Variants in SOX6 observed in about 807,000 individuals in gnomAD.
SOX6 encodes the protein SRY-box transcription factor 6.
A neutral mutation model predicts 97.8 loss-of-function variants in SOX6; 11 were observed. The observed-to-expected ratio is 0.11, with a 90% confidence interval of 0.07 to 0.19. The LOEUF is 0.19. SOX6 is among the 10% of genes least tolerant of loss of function. SOX6 has a pLI of 1.00. For missense variants in SOX6, 810 were observed against 1,039.5 expected (o/e 0.78, Z 3.04); for synonymous variants, 360 against 371.4 (o/e 0.97, Z 0.35).
chr11:16,321,062 T>C (rs1484993847), intron 2 of SOX6, among the ~76,000 whole-genome samples: 2 of 152,236 alleles, frequency 1.3e-5, no homozygotes, highest in African/African-American at 4.8e-5. Flanking sequence ...ATGGCTAGTA[T>C]GTGGCTCCTT....
intron 2 of SOX6, among the ~76,000 whole-genome samples, chr11:16,321,864 G>T (rs1855937975): frequency 1.3e-5 from 2 of 152,092 alleles, no homozygotes; most frequent in Admixed American, 6.6e-5. Context: ...ACCATTTCCA[G>T]CCATCACTTT....
chr11:16,468,249 G>C (rs1860078458), intron 1 of SOX6, among the ~76,000 whole-genome samples: 2 of 152,190 alleles, frequency 1.3e-5, no homozygotes, highest in African/African-American at 4.8e-5. Context: ...AAATGTGAAA[G>C]AACTATAACA....
At chr11:16,414,415 T>A (rs1036857492) in intron 1 of SOX6, among the ~76,000 whole-genome samples, 3 of 152,038 alleles carry the variant, frequency 2.0e-5, no homozygotes, top group Admixed American at 2.0e-4. Flanking sequence ...CAATGCAAAT[T>A]TGGTAAATTA....
chr11:16,611,548 C>A (rs1392513429), intron 4 of SOX6, among the ~76,000 whole-genome samples: 2 of 152,156 alleles, frequency 1.3e-5, no homozygotes, highest in African/African-American at 4.8e-5. Context: ...AATTGGTTTC[C>A]TTAAACGGGA....
intron 6 of SOX6, among the ~76,000 whole-genome samples, chr11:16,180,540 T>TA (rs1055184065): frequency 6.6e-6 from 1 of 151,668 alleles, no homozygotes; most frequent in Non-Finnish European, 1.5e-5. Context: ...ACTTCACATG[T>TA]AAAAAATTAG....
At chr11:16,067,723 T>G (rs576473486) in intron 9 of SOX6, among the ~76,000 whole-genome samples, 1 of 152,294 alleles carries the variant, frequency 6.6e-6, no homozygotes, top group African/African-American at 2.4e-5. Context: ...ATACCCCACA[T>G]TATATGATGT....
chr11:16,585,111 GTAC>G (rs1848077065), intron 4 of SOX6, among the ~76,000 whole-genome samples: 1 of 152,156 alleles, frequency 6.6e-6, no homozygotes, highest in East Asian at 1.9e-4. Flanking sequence ...GGTTCTCAAA[GTAC>G]CTATTACTAC....
intron 9 of SOX6, among the ~76,000 whole-genome samples, chr11:16,080,791 G>A (rs565046850): frequency 9.9e-5 from 15 of 152,142 alleles, no homozygotes; most frequent in Admixed American, 4.6e-4. Flanking sequence ...ACCATCACTG[G>A]GAACAATTAA....
chr11:16,525,164 G>A (rs547990778), intron 4 of SOX6, among the ~76,000 whole-genome samples: 91 of 152,140 alleles, frequency 6.0e-4, no homozygotes, highest in Non-Finnish European at 1.1e-3. Context: ...AAAAGAGCCC[G>A]CATTGCCAAG....
intron 13 of SOX6, among the ~76,000 whole-genome samples, chr11:15,996,574 C>T (rs1033030549): frequency 6.6e-6 from 1 of 152,042 alleles, no homozygotes; most frequent in African/African-American, 2.4e-5. Context: ...GGATGGGCCA[C>T]TGCACTCCAG....
At chr11:16,530,468 C>A (rs769720057) in intron 4 of SOX6, among the ~76,000 whole-genome samples, 2 of 151,882 alleles carry the variant, frequency 1.3e-5, no homozygotes, top group African/African-American at 2.4e-5. Context: ...AGTGAAACAC[C>A]TAAAAGCTCA....
At chr11:16,184,312 T>C (rs2134102673) in intron 5 of SOX6, among the ~76,000 whole-genome samples, 1 of 152,228 alleles carries the variant, frequency 6.6e-6, no homozygotes, top group Non-Finnish European at 1.5e-5. Context: ...ATGTAAAAAG[T>C]AAAATCTGTA....
chr11:16,608,871 G>A (rs1162177149), intron 4 of SOX6, among the ~76,000 whole-genome samples: 1 of 152,132 alleles, frequency 6.6e-6, no homozygotes, highest in African/African-American at 2.4e-5. Context: ...AAAAGATTTG[G>A]AGAAACAATT....
rs560669476 is a variant in SOX6 at position 16,011,587 on chromosome 11, A to G, written c.1732+3355T>C. 6.6e-5 allele frequency among the ~76,000 whole-genome samples: 10 copies of G among 152,190 alleles called. No individual in the cohort carries two copies. The East Asian group carries it at 1.9e-3, about 30-fold the overall frequency. ...TGGTGACCTTTTCCTCACTGCCTCC[A>G]GGCTCAGGGCTATGAAGCATGTCTA... On this transcript the variant is annotated intron_variant, in intron 13 of 15. Coordinates refer to ENST00000683767, the MANE Select transcript of SOX6 (RefSeq NM_001367873.1).
intron 1 of SOX6, among the ~76,000 whole-genome samples, chr11:16,383,136 G>A (rs1178034695): frequency 6.6e-6 from 1 of 151,778 alleles, no homozygotes; most frequent in Non-Finnish European, 1.5e-5. Context: ...ACAATAATAA[G>A]AATTGCTCTT....
chr11:16,448,929 G>A (rs1859663718), intron 1 of SOX6, among the ~76,000 whole-genome samples: 1 of 152,142 alleles, frequency 6.6e-6, no homozygotes, highest in Admixed American at 6.6e-5. Flanking sequence ...TGTATATTAA[G>A]ACTAAGGCTT....
chr11:16,606,550 C>T (rs1848336218), intron 4 of SOX6, among the ~76,000 whole-genome samples: 1 of 152,222 alleles, frequency 6.6e-6, no homozygotes, highest in Admixed American at 6.5e-5. Context: ...CCTCGAACTT[C>T]ACGGAGACTT....
chr11:16,540,425 C>A (rs528234741), intron 4 of SOX6, among the ~76,000 whole-genome samples: 435 of 152,136 alleles, frequency 2.9e-3, no homozygotes, highest in Middle Eastern at 0.01. Flanking sequence ...CAGGGATGCC[C>A]TCTCTCACCA....
intron 4 of SOX6, among the ~76,000 whole-genome samples, chr11:16,232,802 C>A (rs1172557438): frequency 6.6e-6 from 1 of 151,994 alleles, no homozygotes; most frequent in Non-Finnish European, 1.5e-5. Context: ...GAATGACGTG[C>A]AAAGTAGCAA....
Sources: gnomAD v4.1 joint callset for allele counts (sites outside exome capture counted in the v4.1 genomes callset) on GRCh38, gnomAD v4.1.1 for gene constraint, MANE v1.5 for transcripts, NCBI Gene and HGNC (gene_info 2026-07-23, HGNC 2026-07-21) for gene names.